RYR2: variants seen among roughly 807,000 people sequenced by gnomAD.
The protein encoded by RYR2 is cardiac muscle ryanodine receptor-calcium release channel.
RYR2 carries 227 observed loss-of-function variants against 601.1 expected under a neutral mutation model. The ratio of observed to expected loss-of-function variants is 0.38; its 90% confidence interval spans 0.34 to 0.42. RYR2 has a LOEUF of 0.42. Ranked by LOEUF, RYR2 falls within the 10% of genes least tolerant of loss-of-function variation. The probability of loss-of-function intolerance (pLI) is 1.00; values close to 1 mark genes in which losing one functional copy is unlikely to be tolerated. For missense variants in RYR2, 4,646 were observed against 6,156.5 expected, an observed-to-expected ratio of 0.75 and a Z score of 8.21; for synonymous variants, 2,223 against 2,175.1, an observed-to-expected ratio of 1.02 and a Z score of -0.61.
At chr1:237,159,715 G>A (rs1310986358) in intron 1 of RYR2, among the ~76,000 whole-genome samples, 2 of 152,112 alleles carry the variant, frequency 1.3e-5, no homozygotes, top group Non-Finnish European at 2.9e-5. Context: ...AAATAAATAT[G>A]TACTTAGCAG....
intron 22 of RYR2, among the ~76,000 whole-genome samples, chr1:237,504,814 T>A (rs908947382): frequency 1.3e-5 from 2 of 152,070 alleles, no homozygotes; most frequent in African/African-American, 2.4e-5. Flanking sequence ...TGGAAGACAA[T>A]TTTTCCACGA....
At chr1:237,448,002 A>G (rs11584859) in intron 14 of RYR2, among the ~76,000 whole-genome samples, 56,340 of 150,062 alleles carry the variant, frequency 0.38, 12,745 homozygotes, top group East Asian at 0.66. Context: ...ATCTCTGCTC[A>G]CTGCAACCTG....
intron 1 of RYR2, among the ~76,000 whole-genome samples, chr1:237,258,185 G>T (rs936628108): frequency 2.1e-5 from 3 of 143,324 alleles, no homozygotes; most frequent in African/African-American, 7.5e-5. Context: ...AAAAAAAAAA[G>T]AAAGAAAAAG....
chr1:237,433,883 T>G (rs964634758), intron 12 of RYR2, among the ~76,000 whole-genome samples: 5 of 152,182 alleles, frequency 3.3e-5, no homozygotes, highest in Non-Finnish European at 1.5e-5. Context: ...AAAAAAATGA[T>G]GTAACATATA....
At chr1:237,371,701 G>A (rs933738939) in intron 6 of RYR2, among the ~76,000 whole-genome samples, 1 of 152,148 alleles carries the variant, frequency 6.6e-6, no homozygotes, top group African/African-American at 2.4e-5. Flanking sequence ...TATACGCCAT[G>A]GAATACTATG....
chr1:237,634,740 G>A (rs960888552), intron 43 of RYR2, 149 bp from the exon 44 acceptor site: 29 of 507,652 alleles, frequency 5.7e-5, no homozygotes, highest in Non-Finnish European at 7.7e-5. Context: ...TTCAAAATAC[G>A]TAAAATTAAA....
chr1:237,197,637 T>C (rs1390809696), intron 1 of RYR2, among the ~76,000 whole-genome samples: 1 of 152,202 alleles, frequency 6.6e-6, no homozygotes, highest in Non-Finnish European at 1.5e-5. Context: ...TCCGAAGTGA[T>C]GTCATCCTGT....
intron 1 of RYR2, among the ~76,000 whole-genome samples, chr1:237,144,362 A>G (rs1298246182): frequency 3.3e-5 from 5 of 152,304 alleles, no homozygotes; most frequent in Middle Eastern, 3.4e-3. Context: ...GTGTTAACTC[A>G]TTCCTATCTT....
In RYR2 at chr1:237,759,922, T is replaced by A. The variant is rs1048374011; in HGVS notation, c.11402+70T>A. 5 of 942,656 alleles carry A rather than the reference T, an allele frequency of 5.3e-6. No homozygotes were observed. The African/African-American group carries it at 8.3e-5, about 16-fold the overall frequency. The allele number at this position is 942,656 out of a possible 1,614,324, so 58.4% of individuals were successfully genotyped here. A position where few individuals can be genotyped will look rare whatever the true frequency, so the allele number is the denominator to read the frequency against. ...TTTTTTCGAAGCATTTGTTTCTTAC[T>A]CTGACGATAATTGCACATAGAAGAA... is the stretch of plus-strand genomic sequence containing the variant. On this transcript the variant is annotated intron_variant, in intron 83 of 104. Transcript: ENST00000366574.
intron 10 of RYR2, among the ~76,000 whole-genome samples, chr1:237,409,807 T>C (rs561352625): frequency 6.6e-6 from 1 of 152,304 alleles, no homozygotes; most frequent in East Asian, 1.9e-4. Flanking sequence ...CAGAAACATG[T>C]AATTATAATA....
At chr1:237,803,320 T>TTTTA (rs1660195612) in intron 98 of RYR2, among the ~76,000 whole-genome samples, 1 of 151,920 alleles carries the variant, frequency 6.6e-6, no homozygotes, top group African/African-American at 2.4e-5. Context: ...TCTTTTTTTT[T>TTTTA]TGAGACAGAG....
At chr1:237,524,008 T>C (rs1667339744) in intron 24 of RYR2, among the ~76,000 whole-genome samples, 1 of 152,190 alleles carries the variant, frequency 6.6e-6, no homozygotes, top group Non-Finnish European at 1.5e-5. Flanking sequence ...TGGAAGTTTC[T>C]TAAAAAGTTA....
chr1:237,051,282 T>TTCTCTCTCTCTC (rs148264575), intron 1 of RYR2, among the ~76,000 whole-genome samples: 1 of 79,338 alleles, frequency 1.3e-5, no homozygotes, highest in African/African-American at 5.6e-5. Context: ...TCTCCTCCCC[T>TTCTCTCTCTCTC]TCTCTCTCTC....
chr1:237,663,212 C>T (rs548736556), intron 56 of RYR2, among the ~76,000 whole-genome samples: 5 of 152,300 alleles, frequency 3.3e-5, no homozygotes, highest in African/African-American at 1.2e-4. Context: ...GTCGTTTCTC[C>T]GTTACTTGCC....
chr1:237,362,207 A>G (rs1261018227), intron 4 of RYR2, among the ~76,000 whole-genome samples: 1 of 152,132 alleles, frequency 6.6e-6, no homozygotes, highest in Non-Finnish European at 1.5e-5. Context: ...TAAAATTTCC[A>G]CCTTTGTGTT....
intron 10 of RYR2, among the ~76,000 whole-genome samples, chr1:237,404,711 G>A (rs879904651): frequency 4.6e-5 from 7 of 152,116 alleles, no homozygotes; most frequent in Non-Finnish European, 8.8e-5. Context: ...TGTAATTATG[G>A]CCCCTAATCA....
intron 10 of RYR2, among the ~76,000 whole-genome samples, chr1:237,412,946 T>C (rs1053350116): frequency 1.3e-5 from 2 of 152,172 alleles, no homozygotes; most frequent in Admixed American, 1.3e-4. Context: ...ATACTTGAAA[T>C]GCATTGCAGG....
intron 39 of RYR2, among the ~76,000 whole-genome samples, chr1:237,625,054 T>TA (rs1679503102): frequency 5.6e-5 from 8 of 141,894 alleles, no homozygotes; most frequent in African/African-American, 1.6e-4. Flanking sequence ...ATATATATAT[T>TA]TTTTTTTTTC....
intron 1 of RYR2, among the ~76,000 whole-genome samples, chr1:237,088,245 C>A (rs1206723726): frequency 6.6e-6 from 1 of 152,114 alleles, no homozygotes; most frequent in East Asian, 1.9e-4. Flanking sequence ...ATTGGCAACC[C>A]TTGGTACGTG....
Sources: gnomAD v4.1 joint callset for allele counts (sites outside exome capture counted in the v4.1 genomes callset) on GRCh38, gnomAD v4.1.1 for gene constraint, MANE v1.5 for transcripts, NCBI Gene and HGNC (gene_info 2026-07-23, HGNC 2026-07-21) for gene names.